The following RNF146 variants were observed in gnomAD, a reference collection of about 807,000 sequenced individuals.
RNF146 encodes E3 ubiquitin-protein ligase RNF146.
RNF146 carries 11 observed loss-of-function variants against 29.7 expected under a neutral mutation model. That is an observed-to-expected ratio of 0.37 (90% confidence interval 0.23 to 0.61). RNF146 has a LOEUF of 0.61. Ranked by LOEUF, RNF146 falls within the 20% of genes least tolerant of loss-of-function variation. The pLI, the probability that RNF146 is intolerant of heterozygous loss-of-function variation, is 0.66. For synonymous variants in RNF146, 150 were observed against 159.7 expected, an observed-to-expected ratio of 0.94 and a Z score of 0.46; for missense variants, 342 against 438.9, an observed-to-expected ratio of 0.78 and a Z score of 1.97.
At chr6:127,277,155 AG>A (rs1285738345) in intron 1 of RNF146, among the ~76,000 whole-genome samples, 1 of 152,052 alleles carries the variant, frequency 6.6e-6, no homozygotes, top group Non-Finnish European at 1.5e-5. Context: ...GAGCAGTTTT[AG>A]GGGATTATGG....
chr6:127,267,239 G>T (rs528375309), intron 1 of RNF146: 1 of 152,414 alleles, frequency 6.6e-6, no homozygotes, highest in Non-Finnish European at 1.5e-5. Flanking sequence ...CTGCCCGAGG[G>T]CGCCGCAGCC....
chr6:127,283,910 T>C (rs1166837255), intron 2 of RNF146, among the ~76,000 whole-genome samples: 1 of 151,836 alleles, frequency 6.6e-6, no homozygotes, highest in Non-Finnish European at 1.5e-5. Flanking sequence ...CAAACAGGAT[T>C]GTTTTGCCTT....
chr6:127,273,433 C>G (rs1386193634), intron 1 of RNF146, among the ~76,000 whole-genome samples: 1 of 152,040 alleles, frequency 6.6e-6, no homozygotes, highest in Non-Finnish European at 1.5e-5. Flanking sequence ...TTTTATAATA[C>G]TAAATGATAA....
At chr6:127,272,988 C>T (rs983741934) in intron 1 of RNF146, among the ~76,000 whole-genome samples, 5 of 152,146 alleles carry the variant, frequency 3.3e-5, no homozygotes, top group African/African-American at 9.7e-5. Flanking sequence ...TATAAGGTGT[C>T]TGTCTGAAAT....
intron 1 of RNF146, among the ~76,000 whole-genome samples, chr6:127,277,798 C>T (rs1476683247): frequency 6.6e-6 from 1 of 152,104 alleles, no homozygotes; most frequent in Non-Finnish European, 1.5e-5. Flanking sequence ...TGGCAACACC[C>T]TCACAGACAC....
chr6:127,279,588 C>T (rs1778679320), intron 1 of RNF146, among the ~76,000 whole-genome samples: 2 of 151,774 alleles, frequency 1.3e-5, no homozygotes, highest in Non-Finnish European at 1.5e-5. Flanking sequence ...TTTGCAATTC[C>T]ATATGAATTT....
intron 1 of RNF146, among the ~76,000 whole-genome samples, chr6:127,277,257 G>A (rs116504371): frequency 2.0e-3 from 299 of 152,094 alleles, no homozygotes; most frequent in African/African-American, 7.0e-3. Flanking sequence ...TATATAGGGA[G>A]TGTATGAAAA....
intron 1 of RNF146, among the ~76,000 whole-genome samples, chr6:127,268,440 G>C (rs193122791): frequency 1.4e-3 from 219 of 152,344 alleles, no homozygotes; most frequent in African/African-American, 5.1e-3. Flanking sequence ...TTTGTATAGA[G>C]TGTCTGGGTG....
intron 1 of RNF146, among the ~76,000 whole-genome samples, chr6:127,277,232 T>C (rs1369713132): frequency 3.9e-5 from 6 of 152,002 alleles, no homozygotes; most frequent in Non-Finnish European, 7.4e-5. Context: ...CAGTAAATTG[T>C]CTCCTCCTGT....
chr6:127,273,936 C>A (rs1433533832), intron 1 of RNF146, among the ~76,000 whole-genome samples: 1 of 152,064 alleles, frequency 6.6e-6, no homozygotes, highest in African/African-American at 2.4e-5. Flanking sequence ...CAAGGATGTT[C>A]TTTCTGTTGA....
At chr6:127,267,980 A>G (rs1318819343) in intron 1 of RNF146, among the ~76,000 whole-genome samples, 1 of 152,238 alleles carries the variant, frequency 6.6e-6, no homozygotes, top group Non-Finnish European at 1.5e-5. Flanking sequence ...TTACACACAC[A>G]TCCTGGCAAC....
intron 1 of RNF146, among the ~76,000 whole-genome samples, chr6:127,273,800 T>A (rs1224961186): frequency 6.6e-6 from 1 of 152,032 alleles, no homozygotes; most frequent in African/African-American, 2.4e-5. Context: ...AATAAATATG[T>A]CTTTGGCTGT....
chr6:127,275,164 T>C (rs530715418), intron 1 of RNF146, among the ~76,000 whole-genome samples: 2 of 152,228 alleles, frequency 1.3e-5, no homozygotes, highest in East Asian at 1.9e-4. Flanking sequence ...TGAAGCTGTT[T>C]TGGCTGTTCA....
chr6:127,283,236 A>G (rs1373415741), intron 2 of RNF146, among the ~76,000 whole-genome samples: 1 of 151,836 alleles, frequency 6.6e-6, no homozygotes, highest in Non-Finnish European at 1.5e-5. Flanking sequence ...GAATTCAGTA[A>G]AAACGTCTTT....
chr6:127,271,890 C>G (rs962049334), intron 1 of RNF146, among the ~76,000 whole-genome samples: 11 of 152,170 alleles, frequency 7.2e-5, no homozygotes, highest in African/African-American at 2.7e-4. Context: ...TCAAGCCATC[C>G]TCCTGTGTCA....
intron 1 of RNF146, among the ~76,000 whole-genome samples, chr6:127,267,979 C>T (rs532046276): frequency 7.2e-5 from 11 of 152,370 alleles, no homozygotes; most frequent in Admixed American, 7.2e-4. Context: ...TTTACACACA[C>T]ATCCTGGCAA....
intron 1 of RNF146, among the ~76,000 whole-genome samples, chr6:127,272,725 G>T (rs1013296488): frequency 1.3e-5 from 2 of 152,170 alleles, no homozygotes; most frequent in Non-Finnish European, 2.9e-5. Flanking sequence ...CAATAAGAGG[G>T]CAGTACAATT....
At chr6:127,275,171 T>A (rs542208436) in intron 1 of RNF146, among the ~76,000 whole-genome samples, 1 of 152,274 alleles carries the variant, frequency 6.6e-6, no homozygotes, top group Admixed American at 6.5e-5. Flanking sequence ...GTTTTGGCTG[T>A]TCAGAAACCC....
chr6:127,275,760 C>G (rs1778123479), intron 1 of RNF146, among the ~76,000 whole-genome samples: 1 of 151,972 alleles, frequency 6.6e-6, no homozygotes, highest in Non-Finnish European at 1.5e-5. Flanking sequence ...CATTCATAAG[C>G]TGTAAAAGGG....
Sources: gnomAD v4.1 joint callset for allele counts (sites outside exome capture counted in the v4.1 genomes callset) on GRCh38, gnomAD v4.1.1 for gene constraint, MANE v1.5 for transcripts, NCBI Gene and HGNC (gene_info 2026-07-23, HGNC 2026-07-21) for gene names.